The following XXYLT1 variants were observed in gnomAD, a reference collection of about 807,000 sequenced individuals.
The protein encoded by XXYLT1 is UDP-xylose:alpha-xyloside alpha-1,3-xylosyltransferase.
A neutral mutation model predicts 28.9 loss-of-function variants in XXYLT1; 20 were observed. The ratio of observed to expected loss-of-function variants is 0.69; its 90% CI spans 0.49 to 1.00. The LOEUF (loss-of-function observed/expected upper bound fraction) is 1.00, where lower values mean the gene tolerates loss of function less well. Ranked by LOEUF, XXYLT1 falls within the 50% of genes least tolerant of loss-of-function variation. The pLI, the probability that XXYLT1 is intolerant of heterozygous loss-of-function variation, is 0.00. For missense variants in XXYLT1, 542 were observed against 560.1 expected, an observed-to-expected ratio of 0.97 and a Z score of 0.33; for synonymous variants, 257 against 253.8, an observed-to-expected ratio of 1.01 and a Z score of -0.12.
intron 3 of XXYLT1, among the ~76,000 whole-genome samples, chr3:195,149,575 G>A (rs1027848938): frequency 1.3e-5 from 2 of 152,168 alleles, no homozygotes; most frequent in African/African-American, 4.8e-5. Context: ...GGCTGCCTCG[G>A]GCACAGTCCT....
chr3:195,171,770 T>C (rs1258502683), intron 2 of XXYLT1, among the ~76,000 whole-genome samples: 1 of 152,248 alleles, frequency 6.6e-6, no homozygotes, highest in East Asian at 1.9e-4. Flanking sequence ...CAGGGCAAAT[T>C]TGCTTTCTGA....
At chr3:195,178,871 A>G (rs1721804958) in intron 2 of XXYLT1, among the ~76,000 whole-genome samples, 1 of 152,242 alleles carries the variant, frequency 6.6e-6, no homozygotes, top group Non-Finnish European at 1.5e-5. Context: ...ATTGAGATCG[A>G]GAGCTGAAGC....
intron 3 of XXYLT1, among the ~76,000 whole-genome samples, chr3:195,134,112 T>C (rs1577064362): frequency 1.3e-5 from 2 of 152,298 alleles, no homozygotes; most frequent in Admixed American, 1.3e-4. Context: ...AATATATTTG[T>C]GTTTTAAGCT....
At chr3:195,109,349 G>A (rs1437100138) in intron 3 of XXYLT1, among the ~76,000 whole-genome samples, 3 of 151,916 alleles carry the variant, frequency 2.0e-5, no homozygotes, top group African/African-American at 7.3e-5. Context: ...GTGTGTGCGT[G>A]TATGGTGTGT....
chr3:195,263,074 A>C (rs1217267014), intron 1 of XXYLT1, among the ~76,000 whole-genome samples: 1 of 152,204 alleles, frequency 6.6e-6, no homozygotes, highest in Non-Finnish European at 1.5e-5. Context: ...CCTGTTTGTC[A>C]TTAGCTTCAT....
intron 2 of XXYLT1, 120 bp from the exon 3 acceptor site, chr3:195,156,701 A>G (rs1720614122): frequency 7.7e-7 from 1 of 1,305,158 alleles, no homozygotes; most frequent in Non-Finnish European, 1.0e-6. Flanking sequence ...TTGTCAGTGA[A>G]TGATGCACAG....
intron 2 of XXYLT1, among the ~76,000 whole-genome samples, chr3:195,190,656 CT>C (rs1323773945): frequency 1.3e-5 from 2 of 151,800 alleles, no homozygotes; most frequent in African/African-American, 4.8e-5. Flanking sequence ...CATTTCTTAA[CT>C]TTTTAAAAAG....
chr3:195,112,223 G>T (rs1008978550), intron 3 of XXYLT1, among the ~76,000 whole-genome samples: 3 of 152,166 alleles, frequency 2.0e-5, no homozygotes, highest in Admixed American at 6.5e-5. Context: ...AAAGCCTACT[G>T]GAATCCGGGT....
intron 3 of XXYLT1, among the ~76,000 whole-genome samples, chr3:195,126,663 C>CA (rs969280736): frequency 6.6e-6 from 1 of 152,132 alleles, no homozygotes; most frequent in African/African-American, 2.4e-5. Flanking sequence ...AAAGGAGATA[C>CA]AAAAAATAGA....
chr3:195,131,813 A>G (rs974133971), intron 3 of XXYLT1, among the ~76,000 whole-genome samples: 8 of 152,186 alleles, frequency 5.3e-5, no homozygotes, highest in African/African-American at 1.9e-4. Context: ...TGAAAAGAAC[A>G]CTCAATTATA....
intron 2 of XXYLT1, among the ~76,000 whole-genome samples, chr3:195,188,609 C>T (rs1328937202): frequency 6.6e-6 from 1 of 152,240 alleles, no homozygotes; most frequent in African/African-American, 2.4e-5. Flanking sequence ...GCTTAACACA[C>T]TGGTGCACTC....
chr3:195,243,831 T>C (rs1265234411), intron 1 of XXYLT1, among the ~76,000 whole-genome samples: 1 of 152,242 alleles, frequency 6.6e-6, no homozygotes, highest in Non-Finnish European at 1.5e-5. Context: ...CTCCCTCATG[T>C]GACGATTATC....
In XXYLT1 at chr3:195,270,591, CCGCAGCAGGCCCTTGGCCACCT is replaced by C; in HGVS notation, c.446_467del (p.Glu149GlyfsTer22). The C allele has an allele frequency of 7.2e-7, 1 of 1,391,208 alleles. No homozygotes were observed. Among genetic ancestry groups the C allele is most frequent in the East Asian group, 3.0e-5 (1 of 33,892 alleles). The allele number at this position is 1,391,208 out of a possible 1,614,324, so 86.2% of individuals were successfully genotyped here. The stretch of plus-strand genomic sequence containing the variant: ...AGCCAGCGGCGGGCGGCAGGAGCTC[CCGCAGCAGGCCCTTGGCCACCT>C]CGCGGCTGGCCTCCTCGCTCACGAA... On this transcript the variant is annotated frameshift_variant, in exon 1 of 4. Transcript: ENST00000310380. LOFTEE classifies it high-confidence loss of function.
intron 3 of XXYLT1, among the ~76,000 whole-genome samples, chr3:195,110,851 T>TGTGTGG (rs1284404952): frequency 1.1e-4 from 4 of 37,456 alleles, no homozygotes; most frequent in East Asian, 1.2e-3. Context: ...GTTGTGTGTG[T>TGTGTGG]TGTATAAGTG....
intron 1 of XXYLT1, among the ~76,000 whole-genome samples, chr3:195,263,704 G>C (rs938296943): frequency 6.6e-6 from 1 of 152,126 alleles, no homozygotes; most frequent in Non-Finnish European, 1.5e-5. Flanking sequence ...AGGATCATGG[G>C]GGATGTGCAG....
In XXYLT1 at chr3:195,270,855, C is replaced by T; in HGVS notation, c.204G>A (p.Pro68=). The T allele has an allele frequency of 7.2e-7, 1 of 1,382,706 alleles. No individual in the cohort carries two copies. Among genetic ancestry groups the T allele is most frequent in the Non-Finnish European group, 9.3e-7 (1 of 1,070,726 alleles). The allele number at this position is 1,382,706 out of a possible 1,614,324, so 85.7% of individuals were successfully genotyped here. ...ARAGAPAAPS[P]PALELARGSV... is the part of the protein sequence containing the mutation. Reference sequence around the variant, plus strand: ...AGCCCCGCGCTAGCTCCAGCGCGGGCGGCGAGGGCGCGGCGGGAGCCCCGG... The same window carrying T: ...AGCCCCGCGCTAGCTCCAGCGCGGGTGGCGAGGGCGCGGCGGGAGCCCCGG... The change falls in exon 1 of 4, where the codon CCG becomes CCA. Residue 68 remains proline, a synonymous_variant. Coordinates refer to ENST00000310380, the MANE Select transcript of XXYLT1 (RefSeq NM_152531.5).
At chr3:195,175,590 C>T (rs1348421340) in intron 2 of XXYLT1, 2 of 1,535,924 alleles carry the variant, frequency 1.3e-6, no homozygotes, top group Non-Finnish European at 1.7e-6. Context: ...AGAAGCAGGT[C>T]TCAGATGGAC....
At position 195,186,291 on chromosome 3, in the gene XXYLT1, A is replaced by G. The variant is rs543030919; in HGVS notation, c.653-29710T>C. On this transcript the variant is annotated intron_variant, in intron 2 of 3. Transcript: ENST00000310380. ...CCATCCCACAGAAGAACGCATGCAA[A>G]AGTACTTAAGTCACTGGATGAAAAT... is the stretch of plus-strand genomic sequence containing the variant. 3.3e-5 allele frequency among the ~76,000 whole-genome samples: 5 copies of G among 152,164 alleles called. No individual in the cohort carries two copies. In the South Asian group the frequency reaches 8.3e-4, roughly 25 times the overall value.
chr3:195,212,898 G>T (rs972542828), intron 2 of XXYLT1, among the ~76,000 whole-genome samples: 2 of 152,230 alleles, frequency 1.3e-5, no homozygotes, highest in Non-Finnish European at 2.9e-5. Flanking sequence ...ATCCTCTGAA[G>T]CCACTTGTTG....
Sources: allele counts gnomAD v4.1 joint callset (sites outside exome capture counted in the v4.1 genomes callset), GRCh38; gene constraint gnomAD v4.1.1; transcripts MANE v1.5; gene names NCBI Gene and HGNC (gene_info 2026-07-23, HGNC 2026-07-21).